Variants in ENOX2 observed in about 807,000 individuals in gnomAD.
ENOX2 encodes the protein APK1 antigen.
ENOX2 carries 36 observed loss-of-function variants against 45.0 expected under a neutral mutation model. The ratio of observed to expected loss-of-function variants is 0.80; its 90% CI spans 0.61 to 1.06. ENOX2 has a LOEUF of 1.06. Among genes scored for constraint, ENOX2 ranks in the 50% least tolerant of loss-of-function variants. The pLI, the probability that ENOX2 is intolerant of heterozygous loss-of-function variation, is 0.00. For synonymous variants in ENOX2, 174 were observed against 152.3 expected (o/e 1.14, Z -1.05); for missense variants, 423 against 462.5 (o/e 0.91, Z 0.78).
intron 3 of ENOX2, among the ~76,000 whole-genome samples, chrX:130,760,647 G>A (rs1347141032): frequency 1.9e-5 from 2 of 106,989 alleles, no homozygotes; most frequent in South Asian, 4.3e-4. Context: ...TTAGCCAGGC[G>A]TGGTGGTGGG....
Position 130,765,647 on chromosome X carries a change from G to A in ENOX2, c.-39+17900C>T, listed in dbSNP as rs752514166. 1.3e-4 allele frequency among the ~76,000 whole-genome samples: 15 copies of A among 111,235 alleles called. No individual in the cohort carries two copies. In the South Asian group the frequency reaches 5.6e-3, roughly 42 times the overall value. ...CTGATGAGAATTTAGGTTGTTTCTA[G>A]ATTTTTGTATTGTGAATTGTGCTGC... On this transcript the variant is annotated intron_variant, in intron 3 of 14. Coordinates refer to ENST00000394363, the MANE Select transcript of ENOX2 (RefSeq NM_006375.4).
intron 2 of ENOX2, among the ~76,000 whole-genome samples, chrX:130,851,298 T>C (rs1380690563): frequency 9.0e-6 from 1 of 111,459 alleles, no homozygotes; most frequent in Non-Finnish European, 1.9e-5. Context: ...GCCTTATAAA[T>C]GGATATATAT....
chrX:130,636,099 A>G (rs1308551939), intron 11 of ENOX2, among the ~76,000 whole-genome samples: 1 of 111,763 alleles, frequency 8.9e-6, no homozygotes, highest in Non-Finnish European at 1.9e-5. Flanking sequence ...TGGAAGGGTT[A>G]AAAAGCATGA....
chrX:130,891,422 A>G (rs952452401), intron 2 of ENOX2, among the ~76,000 whole-genome samples: 1 of 102,198 alleles, frequency 9.8e-6, no homozygotes, highest in Non-Finnish European at 2.0e-5. Context: ...CTGAGCCCCT[A>G]TTACATGTCA....
intron 5 of ENOX2, among the ~76,000 whole-genome samples, chrX:130,680,906 C>T (rs975223682): frequency 1.8e-5 from 2 of 112,390 alleles, no homozygotes; most frequent in Non-Finnish European, 3.8e-5. Context: ...GGATCTCTAG[C>T]TTCCTCACTT....
At chrX:130,694,904 C>T (rs955059675) in intron 4 of ENOX2, among the ~76,000 whole-genome samples, 4 of 111,469 alleles carry the variant, frequency 3.6e-5, no homozygotes, top group African/African-American at 9.8e-5. Flanking sequence ...ACTAGCCACT[C>T]ATTAATTGGC....
At chrX:130,869,570 T>C (rs1171863926) in intron 2 of ENOX2, among the ~76,000 whole-genome samples, 1 of 111,642 alleles carries the variant, frequency 9.0e-6, no homozygotes, top group South Asian at 3.7e-4. Flanking sequence ...TTCACAACCA[T>C]ATATGGTAGG....
chrX:130,822,710 T>A (rs993621363), intron 2 of ENOX2, among the ~76,000 whole-genome samples: 2 of 110,597 alleles, frequency 1.8e-5, no homozygotes, highest in Admixed American at 1.9e-4. Context: ...CACACCAACA[T>A]GGCACATGTA....
intron 3 of ENOX2, among the ~76,000 whole-genome samples, chrX:130,754,126 A>T (rs2039294192): frequency 8.9e-6 from 1 of 112,152 alleles, no homozygotes; most frequent in Non-Finnish European, 1.9e-5. Flanking sequence ...ATCATTACAC[A>T]TTGCATACAT....
intron 3 of ENOX2, among the ~76,000 whole-genome samples, chrX:130,705,682 G>A (rs754455919): frequency 9.0e-6 from 1 of 111,571 alleles, no homozygotes; most frequent in Non-Finnish European, 1.9e-5. Context: ...CACCTCAAAT[G>A]CTACCTTGTT....
chrX:130,805,659 G>A (rs998015310), intron 2 of ENOX2, among the ~76,000 whole-genome samples: 1 of 111,297 alleles, frequency 9.0e-6, no homozygotes, highest in Non-Finnish European at 1.9e-5. Context: ...AATACATGCT[G>A]GGACACATTT....
chrX:130,846,987 GC>G, intron 2 of ENOX2, among the ~76,000 whole-genome samples: 1 of 112,140 alleles, frequency 8.9e-6, no homozygotes, highest in Non-Finnish European at 1.9e-5. Context: ...ACATCTTAAA[GC>G]CCTAAGGCCA....
intron 3 of ENOX2, among the ~76,000 whole-genome samples, chrX:130,760,891 T>A (rs1212907281): frequency 1.9e-5 from 2 of 105,895 alleles, no homozygotes; most frequent in African/African-American, 6.9e-5. Flanking sequence ...GATGTTTAAG[T>A]TTTTCAAATT....
At chrX:130,817,470 G>T (rs1011330148) in intron 2 of ENOX2, among the ~76,000 whole-genome samples, 1 of 111,601 alleles carries the variant, frequency 9.0e-6, no homozygotes, top group Non-Finnish European at 1.9e-5. Flanking sequence ...AACAAAAAAA[G>T]AAAATTTCAG....
intron 3 of ENOX2, among the ~76,000 whole-genome samples, chrX:130,727,971 G>A (rs745385376): frequency 1.8e-5 from 2 of 111,882 alleles, no homozygotes; most frequent in Non-Finnish European, 3.8e-5. Context: ...CTTGTTGCCT[G>A]CTCTGTGAAA....
chrX:130,858,166 G>A (rs903186637), intron 2 of ENOX2, among the ~76,000 whole-genome samples: 1 of 103,784 alleles, frequency 9.6e-6, no homozygotes, highest in Non-Finnish European at 2.0e-5. Context: ...CCAGGCTGGA[G>A]TGCAATGGCG....
chrX:130,837,109 G>A (rs2077941062), intron 2 of ENOX2, among the ~76,000 whole-genome samples: 1 of 112,393 alleles, frequency 8.9e-6, no homozygotes. Flanking sequence ...GAATTTGAAA[G>A]TGGGTACTAA....
chrX:130,753,437 T>C (rs112778034), intron 3 of ENOX2, among the ~76,000 whole-genome samples: 4 of 111,593 alleles, frequency 3.6e-5, no homozygotes, highest in African/African-American at 1.3e-4. Flanking sequence ...CCTTTATCTA[T>C]CCATGTTTGC....
At chrX:130,795,027 C>A (rs762630341) in intron 2 of ENOX2, among the ~76,000 whole-genome samples, 3 of 111,995 alleles carry the variant, frequency 2.7e-5, no homozygotes, top group Non-Finnish European at 5.6e-5. Context: ...TGCTATACTG[C>A]GTCACTAATG....
Sources: gnomAD v4.1 joint callset for allele counts (sites outside exome capture counted in the v4.1 genomes callset) on GRCh38, gnomAD v4.1.1 for gene constraint, MANE v1.5 for transcripts, NCBI Gene and HGNC (gene_info 2026-07-23, HGNC 2026-07-21) for gene names.